Variants in AP1S3 observed in about 807,000 individuals in gnomAD.
The protein encoded by AP1S3 is adaptor related protein complex 1 subunit sigma 3.
Under a neutral mutation model 20.9 loss-of-function variants are expected in AP1S3, and 10 were observed. The ratio of observed to expected loss-of-function variants is 0.48; its 90% CI spans 0.29 to 0.81. The LOEUF is 0.81. Ranked by LOEUF, AP1S3 falls within the 30% of genes least tolerant of loss-of-function variation. The pLI, the probability that AP1S3 is intolerant of heterozygous loss-of-function variation, is 0.08. For synonymous variants in AP1S3, 41 were observed against 61.5 expected, an observed-to-expected ratio of 0.67 and a Z score of 1.56; for missense variants, 154 against 183.8, an observed-to-expected ratio of 0.84 and a Z score of 0.94.
chr2:223,777,269 C>T (rs1690805018), intron 2 of AP1S3, among the ~76,000 whole-genome samples: 1 of 152,196 alleles, frequency 6.6e-6, no homozygotes, highest in Non-Finnish European at 1.5e-5. Flanking sequence ...GTGGCAGATG[C>T]CTGCAATCCT....
In AP1S3 at chr2:223,802,719, T is replaced by C. The variant is rs117446120; in HGVS notation, c.4-24850A>G. On this transcript the variant is annotated intron_variant, in intron 1 of 4. Coordinates refer to ENST00000396654, the MANE Select transcript of AP1S3 (RefSeq NM_001039569.2). Reference sequence around the variant, plus strand: ...CTCTGAAACATGTTGGATCACAGTGTGAAATAAATTGTTACCAGTCTCATC... The same window carrying C: ...CTCTGAAACATGTTGGATCACAGTGCGAAATAAATTGTTACCAGTCTCATC... Among the ~76,000 whole-genome samples the C allele has an allele frequency of 6.4e-4, 97 of 152,290 alleles. No individual in the cohort carries two copies. The East Asian group carries it at 0.018, about 28-fold the overall frequency.
intron 3 of AP1S3, 55 bp from the exon 4 acceptor site, chr2:223,765,405 A>G: frequency 6.5e-7 from 1 of 1,540,000 alleles, no homozygotes; most frequent in Non-Finnish European, 8.7e-7. Flanking sequence ...CAGGGGAAAC[A>G]TCTGCCCGAA....
At chr2:223,790,213 G>C (rs933405624) in intron 1 of AP1S3, among the ~76,000 whole-genome samples, 8 of 148,912 alleles carry the variant, frequency 5.4e-5, no homozygotes, top group African/African-American at 1.5e-4. Flanking sequence ...AAAATACAAA[G>C]AAAAGAAATT....
intron 1 of AP1S3, among the ~76,000 whole-genome samples, chr2:223,805,914 C>A (rs776149099): frequency 9.2e-5 from 14 of 152,100 alleles, no homozygotes; most frequent in Non-Finnish European, 1.8e-4. Flanking sequence ...AACCTCCATT[C>A]CTAACACTAA....
chr2:223,800,376 T>C (rs937760443), intron 1 of AP1S3, among the ~76,000 whole-genome samples: 2 of 149,960 alleles, frequency 1.3e-5, no homozygotes, highest in African/African-American at 4.9e-5. Flanking sequence ...TTACAGAAAA[T>C]AAATAAATAG....
At chr2:223,774,527 G>A (rs1191699870) in intron 3 of AP1S3, among the ~76,000 whole-genome samples, 2 of 152,146 alleles carry the variant, frequency 1.3e-5, no homozygotes, top group African/African-American at 4.8e-5. Context: ...GGCTGTGAAG[G>A]AATGCCACAC....
At chr2:223,836,516 G>A (rs1692398306) in intron 1 of AP1S3, among the ~76,000 whole-genome samples, 1 of 152,202 alleles carries the variant, frequency 6.6e-6, no homozygotes. Flanking sequence ...GAGGCAGGCG[G>A]ATCACCTGAG....
chr2:223,762,893 C>A (rs1280691910), intron 4 of AP1S3, among the ~76,000 whole-genome samples: 1 of 151,890 alleles, frequency 6.6e-6, no homozygotes, highest in African/African-American at 2.4e-5. Context: ...CCTCCCTTAA[C>A]CTTCAGTAAC....
intron 1 of AP1S3, among the ~76,000 whole-genome samples, chr2:223,807,473 T>C (rs1024699844): frequency 1.3e-5 from 2 of 152,168 alleles, no homozygotes; most frequent in Non-Finnish European, 2.9e-5. Flanking sequence ...AGCATTCTTT[T>C]AATCAGAGTG....
intron 1 of AP1S3, among the ~76,000 whole-genome samples, chr2:223,818,635 C>T (rs918960796): frequency 8.5e-5 from 13 of 152,074 alleles, no homozygotes; most frequent in African/African-American, 3.1e-4. Context: ...TCATTGCAAC[C>T]TCCGCCTCCT....
chr2:223,768,009 C>T (rs1690521489), intron 3 of AP1S3, among the ~76,000 whole-genome samples: 1 of 152,176 alleles, frequency 6.6e-6, no homozygotes, highest in African/African-American at 2.4e-5. Flanking sequence ...AATGACCTTC[C>T]AGGTGGCGGT....
chr2:223,832,212 G>T (rs891655175), intron 1 of AP1S3, among the ~76,000 whole-genome samples: 4 of 147,780 alleles, frequency 2.7e-5, no homozygotes, highest in Non-Finnish European at 5.9e-5. Flanking sequence ...TTATCATTAT[G>T]TCTTAAAATG....
chr2:223,756,862 A>C lies in AP1S3; in HGVS notation c.*1853T>G, dbSNP rs1021119504. The C allele has an allele frequency of 1.0e-5, 10 of 985,326 alleles. No individual in the cohort carries two copies. The African/African-American group carries it at 1.4e-4, about 14-fold the overall frequency. The allele number at this position is 985,326 out of a possible 1,614,324, so 61.0% of individuals were successfully genotyped here. A position where few individuals can be genotyped will look rare whatever the true frequency, so the allele number is the denominator to read the frequency against. Reference sequence around the variant, plus strand: ...CAACAGGAAACACACTCTTCTAGGAAATCACTGGAGGTCCCAAACCACTCT... The same window carrying C: ...CAACAGGAAACACACTCTTCTAGGACATCACTGGAGGTCCCAAACCACTCT... On this transcript the variant is annotated 3_prime_UTR_variant, in exon 5 of 5. Transcript: ENST00000396654.
At chr2:223,759,296 AGAG>A (rs1244743086) in intron 4 of AP1S3, among the ~76,000 whole-genome samples, 8 of 148,398 alleles carry the variant, frequency 5.4e-5, no homozygotes, top group African/African-American at 2.0e-4. Flanking sequence ...AAAAAAAAAA[AGAG>A]AGAGAGAGAG....
intron 2 of AP1S3, among the ~76,000 whole-genome samples, chr2:223,777,249 G>C (rs1167981278): frequency 6.6e-6 from 1 of 152,180 alleles, no homozygotes; most frequent in Non-Finnish European, 1.5e-5. Context: ...ACAAAAATTA[G>C]TCAGGCATAG....
chr2:223,795,822 CTCTATAGTGTAGAG>C (rs1319439838), intron 1 of AP1S3, among the ~76,000 whole-genome samples: 1 of 152,144 alleles, frequency 6.6e-6, no homozygotes, highest in Non-Finnish European at 1.5e-5. Flanking sequence ...ATATGTCAAC[CTCTATAGTGTAGAG>C]TCCAGCAAAG....
intron 1 of AP1S3, among the ~76,000 whole-genome samples, chr2:223,829,986 G>A (rs999337312): frequency 4.6e-5 from 7 of 152,270 alleles, no homozygotes; most frequent in Admixed American, 3.9e-4. Flanking sequence ...GCCTTTTACG[G>A]AGAAAGTTCA....
chr2:223,759,890 C>G (rs1330121770), intron 4 of AP1S3, among the ~76,000 whole-genome samples: 1 of 152,154 alleles, frequency 6.6e-6, no homozygotes, highest in Non-Finnish European at 1.5e-5. Flanking sequence ...TGTCCCTGCA[C>G]TAGTTTGCTC....
At position 223,756,988 on chromosome 2, in the gene AP1S3, C is replaced by CTTTTT. The variant is rs531434125; in HGVS notation, c.*1722_*1726dup. 16 of 934,950 alleles carry CTTTTT rather than the reference C, an allele frequency of 1.7e-5. No homozygotes were observed. The highest frequency in any genetic ancestry group is 2.4e-4 in the East Asian group (2 of 8,284). The allele number at this position is 934,950 out of a possible 1,614,324, so 57.9% of individuals were successfully genotyped here. A position where few individuals can be genotyped will look rare whatever the true frequency, so the allele number is the denominator to read the frequency against. On this transcript the variant is annotated 3_prime_UTR_variant, in exon 5 of 5. Transcript: ENST00000396654. ...AGAATACTACAAGCTTTTACTTTTT[C>CTTTTT]TTTTTTTTTTTTTTTTTCTTGAGAC...
Sources: allele counts gnomAD v4.1 joint callset (sites outside exome capture counted in the v4.1 genomes callset), GRCh38; gene constraint gnomAD v4.1.1; transcripts MANE v1.5; gene names NCBI Gene and HGNC (gene_info 2026-07-23, HGNC 2026-07-21).